SRD5A1: variants seen among roughly 807,000 people sequenced by gnomAD.
SRD5A1 encodes the protein 3-oxo-5-alpha-steroid 4-dehydrogenase 1.
SRD5A1 carries 22 observed loss-of-function variants against 28.2 expected under a neutral mutation model. The ratio of observed to expected loss-of-function variants is 0.78; its 90% CI spans 0.56 to 1.12. The LOEUF is 1.12. Among genes scored for constraint, SRD5A1 ranks in the 50% most tolerant of loss-of-function variants. The pLI, the probability that SRD5A1 is intolerant of heterozygous loss-of-function variation, is 0.00. For missense variants in SRD5A1, 300 were observed against 346.7 expected, an observed-to-expected ratio of 0.87 and a Z score of 1.07; for synonymous variants, 151 against 135.0, an observed-to-expected ratio of 1.12 and a Z score of -0.82.
intron 4 of SRD5A1, among the ~76,000 whole-genome samples, 172 bp downstream of exon 4, chr5:6,663,138 A>G (rs1298688973): frequency 6.6e-6 from 1 of 152,340 alleles, no homozygotes; most frequent in East Asian, 1.9e-4. Flanking sequence ...AGCTCTAGGG[A>G]ATAATCAGGT....
At chr5:6,642,887 A>T (rs1266424045) in intron 1 of SRD5A1, among the ~76,000 whole-genome samples, 6 of 152,232 alleles carry the variant, frequency 3.9e-5, no homozygotes, top group Admixed American at 6.5e-5. Flanking sequence ...TAGAGAACTG[A>T]TGATAGTTGA....
chr5:6,640,666 T>A (rs1179471954), intron 1 of SRD5A1, among the ~76,000 whole-genome samples: 1 of 152,306 alleles, frequency 6.6e-6, no homozygotes, highest in East Asian at 1.9e-4. Context: ...CAAAGCCTTG[T>A]TCTTTGCCTG....
chr5:6,663,012 A>G lies in SRD5A1; in HGVS notation c.713+46A>G, dbSNP rs8192218. 1.7e-3 allele frequency: 2,690 copies of G among 1,593,704 alleles called. 31 individuals carry two copies. The African/African-American group carries it at 0.027, about 16-fold the overall frequency. On this transcript the variant is annotated intron_variant, in intron 4 of 4. Coordinates refer to ENST00000274192, the MANE Select transcript of SRD5A1 (RefSeq NM_001047.4). ...ACCATTTGTAATTTGTTCTTTGACT[A>G]TATTATTACCATTTTTCAGGCTAGA...
chr5:6,641,726 G>C (rs1458243701), intron 1 of SRD5A1, among the ~76,000 whole-genome samples: 5 of 152,202 alleles, frequency 3.3e-5, no homozygotes, highest in Admixed American at 3.3e-4. Flanking sequence ...ACAAAAAAGA[G>C]GGACAAATCT....
intron 1 of SRD5A1, among the ~76,000 whole-genome samples, chr5:6,651,256 C>G (rs1738663436): frequency 6.6e-6 from 1 of 152,190 alleles, no homozygotes; most frequent in Non-Finnish European, 1.5e-5. Flanking sequence ...CTTGAAGCCC[C>G]TAGTTTTCTC....
At chr5:6,641,788 A>C (rs1738368261) in intron 1 of SRD5A1, among the ~76,000 whole-genome samples, 1 of 152,336 alleles carries the variant, frequency 6.6e-6, no homozygotes, top group African/African-American at 2.4e-5. Context: ...CTAGAGCAGA[A>C]GTCATTCAAA....
At chr5:6,647,856 A>C (rs963549516) in intron 1 of SRD5A1, among the ~76,000 whole-genome samples, 6 of 152,132 alleles carry the variant, frequency 3.9e-5, no homozygotes, top group African/African-American at 1.4e-4. Flanking sequence ...CAGTTTCTTC[A>C]TAGTGTCAAT....
At chr5:6,659,859 A>T (rs139285616) in intron 3 of SRD5A1, among the ~76,000 whole-genome samples, 2 of 151,670 alleles carry the variant, frequency 1.3e-5, no homozygotes, top group African/African-American at 4.8e-5. Context: ...CCCCATGAAG[A>T]CTCCACCATG....
At chr5:6,644,862 T>C (rs1265498699) in intron 1 of SRD5A1, 1 of 456,088 alleles carries the variant, frequency 2.2e-6, no homozygotes, top group Admixed American at 2.4e-5. Context: ...TGCCAGCCCA[T>C]GGTACCCATT....
chr5:6,637,478 C>T (rs1368646224), intron 1 of SRD5A1, among the ~76,000 whole-genome samples: 1 of 152,200 alleles, frequency 6.6e-6, no homozygotes. Flanking sequence ...TAGCTCTGAA[C>T]TGTGTCGGAG....
intron 3 of SRD5A1, among the ~76,000 whole-genome samples, chr5:6,660,956 T>C (rs1738981532): frequency 6.6e-6 from 1 of 152,092 alleles, no homozygotes. Flanking sequence ...TTTCAAACCA[T>C]TACATGTCAT....
At chr5:6,648,357 A>G (rs1179508730) in intron 1 of SRD5A1, among the ~76,000 whole-genome samples, 2 of 152,180 alleles carry the variant, frequency 1.3e-5, no homozygotes, top group African/African-American at 2.4e-5. Context: ...CTCCTGGATA[A>G]TATCCTGAAG....
chr5:6,658,431 G>A lies in SRD5A1; in HGVS notation c.562+2252G>A, dbSNP rs561319776. Among the ~76,000 whole-genome samples, 5 of 152,294 alleles carry A rather than the reference G, an allele frequency of 3.3e-5. No homozygotes were observed. In the East Asian group the frequency reaches 5.8e-4, roughly 18 times the overall value. ...GCAATCTACAAACTTATTACCTGTC[G>A]CAGTAAAGGGAGACCTCTCCCTGTG... On this transcript the variant is annotated intron_variant, in intron 3 of 4. Transcript: ENST00000274192.
rs1739341504 is a variant in SRD5A1 at position 6,670,873 on chromosome 5, T to G, written c.*2605T>G. 2 of 152,138 alleles carry G rather than the reference T, an allele frequency of 1.3e-5. No homozygotes were observed. The highest frequency in any genetic ancestry group is 4.8e-5 in the African/African-American group (2 of 41,390). 9.4% of individuals were successfully genotyped at this position (152,138 alleles called of 1,614,324 possible). A position where few individuals can be genotyped will look rare whatever the true frequency, so the allele number is the denominator to read the frequency against. ...GATTCCTTTTTATGGCTGAGTAGTA[T>G]TCCATTGTATATATATATATACCAC... is the stretch of plus-strand genomic sequence containing the variant. On this transcript the variant is annotated 3_prime_UTR_variant, in exon 5 of 5. Coordinates refer to ENST00000274192, the MANE Select transcript of SRD5A1 (RefSeq NM_001047.4).
intron 1 of SRD5A1, among the ~76,000 whole-genome samples, chr5:6,651,396 G>A (rs1197726743): frequency 1.3e-5 from 2 of 152,150 alleles, no homozygotes; most frequent in South Asian, 2.1e-4. Context: ...AGTGGCTCAC[G>A]CCTATAATCC....
chr5:6,650,126 T>C (rs1006976548), intron 1 of SRD5A1, among the ~76,000 whole-genome samples: 1 of 152,162 alleles, frequency 6.6e-6, no homozygotes, highest in Admixed American at 6.5e-5. Context: ...TTTCATCAAG[T>C]TGTTAAATTT....
intron 1 of SRD5A1, among the ~76,000 whole-genome samples, chr5:6,636,722 G>T (rs899486779): frequency 6.6e-6 from 1 of 152,212 alleles, no homozygotes; most frequent in Non-Finnish European, 1.5e-5. Flanking sequence ...GGAATGGTGC[G>T]CTTTCATGTA....
chr5:6,672,642 C>T lies in SRD5A1; in HGVS notation c.*4374C>T, dbSNP rs1410429790. ...GTTGTCTATATATCAATTTTGTCTA[C>T]CCAACACAGCTGTAAACTTCTCAAG... On this transcript the variant is annotated 3_prime_UTR_variant, in exon 5 of 5. Coordinates refer to ENST00000274192, the MANE Select transcript of SRD5A1 (RefSeq NM_001047.4). The T allele has an allele frequency of 1.3e-5, 2 of 152,178 alleles. No individual in the cohort carries two copies. Among genetic ancestry groups the T allele is most frequent in the African/African-American group, 2.4e-5 (1 of 41,426 alleles). 9.4% of individuals were successfully genotyped at this position (152,178 alleles called of 1,614,324 possible).
In SRD5A1 at chr5:6,672,932, T is replaced by C. The variant is rs1053891874; in HGVS notation, c.*4664T>C. On this transcript the variant is annotated 3_prime_UTR_variant, in exon 5 of 5. Coordinates refer to ENST00000274192, the MANE Select transcript of SRD5A1 (RefSeq NM_001047.4). ...TGTGGGAGGCGGGATTGTAGAAATATCTCAAATTAATTAGCGTCTAGCTCT... is the reference window on the plus strand; with the variant it reads ...TGTGGGAGGCGGGATTGTAGAAATACCTCAAATTAATTAGCGTCTAGCTCT... 3.3e-5 allele frequency: 5 copies of C among 152,214 alleles called. No homozygotes were observed. Among genetic ancestry groups the C allele is most frequent in the African/African-American group, 1.2e-4 (5 of 41,446 alleles). 9.4% of individuals were successfully genotyped at this position (152,214 alleles called of 1,614,324 possible). A position where few individuals can be genotyped will look rare whatever the true frequency, so the allele number is the denominator to read the frequency against.
Sources: allele counts gnomAD v4.1 joint callset (sites outside exome capture counted in the v4.1 genomes callset), GRCh38; gene constraint gnomAD v4.1.1; transcripts MANE v1.5; gene names NCBI Gene and HGNC (gene_info 2026-07-23, HGNC 2026-07-21).